AFF1: variants seen among roughly 807,000 people sequenced by gnomAD.
AFF1 encodes the protein AF4/FMR2 family member 1.
Under a neutral mutation model 121.7 loss-of-function variants are expected in AFF1, and 48 were observed. The ratio of observed to expected loss-of-function variants is 0.39; its 90% CI spans 0.31 to 0.50. The LOEUF (loss-of-function observed/expected upper bound fraction) is 0.50, where lower values mean the gene tolerates loss of function less well. Ranked by LOEUF, AFF1 falls within the 20% of genes least tolerant of loss-of-function variation. AFF1 has a pLI of 0.76. For synonymous variants in AFF1, 613 were observed against 563.0 expected (o/e 1.09, Z -1.26); for missense variants, 1,523 against 1,511.7 (o/e 1.01, Z -0.12).
intron 8 of AFF1, among the ~76,000 whole-genome samples, chr4:87,103,244 C>G (rs1227697493): frequency 6.6e-6 from 1 of 152,190 alleles, no homozygotes; most frequent in Non-Finnish European, 1.5e-5. Flanking sequence ...AGATACCCAC[C>G]TCTGGTGATA....
chr4:86,979,616 C>G (rs1578885862), intron 2 of AFF1, among the ~76,000 whole-genome samples: 1 of 152,138 alleles, frequency 6.6e-6, no homozygotes, highest in Non-Finnish European at 1.5e-5. Flanking sequence ...GTCAGAACAG[C>G]TACACTTTTA....
chr4:87,016,038 G>T (rs755037798), intron 2 of AFF1, among the ~76,000 whole-genome samples: 19 of 152,156 alleles, frequency 1.2e-4, no homozygotes, highest in Non-Finnish European at 2.1e-4. Context: ...AACATTAGCT[G>T]GGCGTAGTGG....
At chr4:87,081,457 C>G (rs764592007) in intron 4 of AFF1, among the ~76,000 whole-genome samples, 1 of 152,080 alleles carries the variant, frequency 6.6e-6, no homozygotes, top group Non-Finnish European at 1.5e-5. Flanking sequence ...CCACTGCGCC[C>G]GGCCGTATGA....
intron 2 of AFF1, among the ~76,000 whole-genome samples, chr4:87,021,375 C>T (rs1727882139): frequency 6.6e-6 from 1 of 152,188 alleles, no homozygotes; most frequent in African/African-American, 2.4e-5. Context: ...TAGGGAAATC[C>T]TGTTTGCCTC....
At chr4:87,079,170 C>G (rs1189782679) in intron 4 of AFF1, among the ~76,000 whole-genome samples, 1 of 152,100 alleles carries the variant, frequency 6.6e-6, no homozygotes, top group African/African-American at 2.4e-5. Context: ...GATAAGTAAG[C>G]CTTTTTGAGA....
intron 4 of AFF1, among the ~76,000 whole-genome samples, chr4:87,065,520 AAAAG>A (rs1436035232): frequency 6.6e-6 from 1 of 151,766 alleles, no homozygotes; most frequent in Non-Finnish European, 1.5e-5. Flanking sequence ...TAAAAAAAAA[AAAAG>A]TGAGTTGATC....
Position 87,108,394 on chromosome 4 carries a change from A to T in AFF1, c.1533+79A>T. 7.4e-6 allele frequency: 11 copies of T among 1,487,390 alleles called. No homozygotes were observed. In the South Asian group the frequency reaches 1.4e-4, roughly 19 times the overall value. The allele number at this position is 1,487,390 out of a possible 1,614,324, so 92.1% of individuals were successfully genotyped here. A position where few individuals can be genotyped will look rare whatever the true frequency, so the allele number is the denominator to read the frequency against. Reference sequence around the variant, plus strand: ...GAAGTTAGAGTCAGTGCTGTGGGCCAGGACTGACCATGAGACTGAGTCATT... The same window carrying T: ...GAAGTTAGAGTCAGTGCTGTGGGCCTGGACTGACCATGAGACTGAGTCATT... On this transcript the variant is annotated intron_variant, in intron 11 of 20. Transcript: ENST00000395146.
At chr4:87,078,467 A>G (rs1722880602) in intron 4 of AFF1, among the ~76,000 whole-genome samples, 1 of 152,130 alleles carries the variant, frequency 6.6e-6, no homozygotes, top group African/African-American at 2.4e-5. Flanking sequence ...CATATTATCT[A>G]GAGGGAGTAG....
At chr4:87,003,081 C>A (rs369870485) in intron 2 of AFF1, among the ~76,000 whole-genome samples, 2 of 152,106 alleles carry the variant, frequency 1.3e-5, no homozygotes, top group Non-Finnish European at 2.9e-5. Flanking sequence ...CAAATCATTT[C>A]TCCTGTACTT....
chr4:87,020,026 G>C (rs1293816164), intron 2 of AFF1, among the ~76,000 whole-genome samples: 1 of 149,340 alleles, frequency 6.7e-6, no homozygotes, highest in African/African-American at 2.5e-5. Flanking sequence ...TTGTGTGAGA[G>C]CAGAGGAAAA....
rs1255880379 is a variant in AFF1 at position 86,985,178 on chromosome 4, T to TATA, written c.38+36607_38+36608insATA. On this transcript the variant is annotated intron_variant, in intron 2 of 20. Transcript: ENST00000395146. Reference sequence around the variant, plus strand: ...AAAAATATAATATATATAATATGTATTACTATATATATATATATATATATA... The same window carrying TATA: ...AAAAATATAATATATATAATATGTATATATACTATATATATATATATATATATA... Among the ~76,000 whole-genome samples the TATA allele has an allele frequency of 5.3e-3, 488 of 92,526 alleles. 7 individuals carry two copies. The highest frequency in any genetic ancestry group is 8.1e-3 in the Non-Finnish European group (400 of 49,420). The allele number at this position is 92,526 out of a possible 152,430, so 60.7% of individuals were successfully genotyped here. A position where few individuals can be genotyped will look rare whatever the true frequency, so the allele number is the denominator to read the frequency against.
chr4:86,938,122 T>C (rs1006267429), intron 1 of AFF1, among the ~76,000 whole-genome samples: 8 of 152,008 alleles, frequency 5.3e-5, no homozygotes, highest in African/African-American at 1.7e-4. Flanking sequence ...TTTTGGGAGA[T>C]TGAGAAAGTA....
chr4:87,087,345 C>T lies in AFF1; in HGVS notation c.1105-2639C>T, dbSNP rs147187185. Among the ~76,000 whole-genome samples, 466 of 152,246 alleles carry T rather than the reference C, an allele frequency of 3.1e-3. 3 individuals are homozygous for T. The highest frequency in any genetic ancestry group is 0.011 in the African/African-American group (447 of 41,538). On this transcript the variant is annotated intron_variant, in intron 5 of 20. Coordinates refer to ENST00000395146, the MANE Select transcript of AFF1 (RefSeq NM_001166693.3). ...GGTGTTGATGGTGCTGTGAATAATG[C>T]AACAGGCCAGTAAACAGAAGGCTAG...
At chr4:87,094,589 G>T (rs1254481105) in intron 7 of AFF1, among the ~76,000 whole-genome samples, 1 of 152,162 alleles carries the variant, frequency 6.6e-6, no homozygotes, top group Non-Finnish European at 1.5e-5. Context: ...AGGGCGCTGG[G>T]AGCATAGCCC....
At chr4:86,985,214 T>TAAAA (rs1553912863) in intron 2 of AFF1, among the ~76,000 whole-genome samples, 1 of 104,548 alleles carries the variant, frequency 9.6e-6, no homozygotes, top group African/African-American at 3.3e-5. Context: ...TATATATATA[T>TAAAA]AAAATTATAT....
intron 2 of AFF1, among the ~76,000 whole-genome samples, chr4:86,951,937 T>C (rs1425127520): frequency 2.0e-5 from 3 of 147,818 alleles, no homozygotes; most frequent in Non-Finnish European, 4.5e-5. Flanking sequence ...TTTTTTTTTT[T>C]AAAGCAAAAA....
At chr4:87,060,712 G>C (rs571652955) in intron 4 of AFF1, among the ~76,000 whole-genome samples, 1 of 151,786 alleles carries the variant, frequency 6.6e-6, no homozygotes, top group Non-Finnish European at 1.5e-5. Context: ...GGTGGCAGGC[G>C]CCTGTACTCC....
chr4:87,097,131 T>C (rs969567957), intron 8 of AFF1, among the ~76,000 whole-genome samples: 2 of 152,168 alleles, frequency 1.3e-5, no homozygotes, highest in Admixed American at 6.5e-5. Flanking sequence ...TCAAGCCCTG[T>C]AGACCATAAA....
chr4:87,131,054 C>T, intron 16 of AFF1, 29 bp from the exon 17 acceptor site: 1 of 1,611,926 alleles, frequency 6.2e-7, no homozygotes, highest in Non-Finnish European at 8.5e-7. Context: ...TGTCTTCAGC[C>T]TAACAATGAC....
Sources: gnomAD v4.1 joint callset for allele counts (sites outside exome capture counted in the v4.1 genomes callset) on GRCh38, gnomAD v4.1.1 for gene constraint, MANE v1.5 for transcripts, NCBI Gene and HGNC (gene_info 2026-07-23, HGNC 2026-07-21) for gene names.